Variants in LRRC4C observed in about 807,000 individuals in gnomAD.
LRRC4C encodes leucine rich repeat containing 4C, also known as leucine-rich repeat-containing protein 4C.
Under a neutral mutation model 33.6 loss-of-function variants are expected in LRRC4C, and 5 were observed. The ratio of observed to expected loss-of-function variants is 0.15; its 90% CI spans 0.08 to 0.31. The LOEUF (loss-of-function observed/expected upper bound fraction) is 0.31. Among genes scored for constraint, LRRC4C ranks in the 10% least tolerant of loss-of-function variants. LRRC4C has a pLI of 1.00. For synonymous variants in LRRC4C, 329 were observed against 302.0 expected (o/e 1.09, Z -0.93); for missense variants, 560 against 796.7 (o/e 0.70, Z 3.58).
At chr11:40,854,731 T>A (rs1229260309) in intron 2 of LRRC4C, among the ~76,000 whole-genome samples, 2 of 150,928 alleles carry the variant, frequency 1.3e-5, no homozygotes, top group Non-Finnish European at 3.0e-5. Context: ...ATATATATAT[T>A]TTATGTACAT....
intron 3 of LRRC4C, among the ~76,000 whole-genome samples, chr11:40,640,848 CTA>C (rs1391267183): frequency 6.6e-6 from 1 of 151,788 alleles, no homozygotes; most frequent in African/African-American, 2.4e-5. Context: ...AAACCCCTCT[CTA>C]CTAAAAATAC....
intron 2 of LRRC4C, among the ~76,000 whole-genome samples, chr11:40,818,680 T>G (rs1012516175): frequency 6.6e-6 from 1 of 152,182 alleles, no homozygotes; most frequent in East Asian, 1.9e-4. Context: ...AAACATATTA[T>G]TTTATATCGA....
intron 1 of LRRC4C, among the ~76,000 whole-genome samples, chr11:40,972,552 T>A (rs1293489661): frequency 1.3e-5 from 2 of 152,054 alleles, no homozygotes; most frequent in Non-Finnish European, 2.9e-5. Context: ...GACAGGGTAG[T>A]TTATAAAGGA....
chr11:40,544,506 A>G (rs538203497), intron 3 of LRRC4C, among the ~76,000 whole-genome samples: 2 of 152,234 alleles, frequency 1.3e-5, no homozygotes, highest in South Asian at 4.1e-4. Context: ...GTAGCCCCTT[A>G]CATATATGTA....
intron 1 of LRRC4C, among the ~76,000 whole-genome samples, chr11:41,144,008 A>G (rs576959837): frequency 6.6e-6 from 1 of 152,312 alleles, no homozygotes; most frequent in African/African-American, 2.4e-5. Flanking sequence ...GAAAACTAAG[A>G]AGATGCCACG....
At chr11:40,792,424 G>T (rs905036794) in intron 2 of LRRC4C, among the ~76,000 whole-genome samples, 1 of 151,956 alleles carries the variant, frequency 6.6e-6, no homozygotes, top group African/African-American at 2.4e-5. Flanking sequence ...GGAAATGTAA[G>T]AATATTTTAT....
intron 3 of LRRC4C, among the ~76,000 whole-genome samples, chr11:40,377,756 C>T (rs1948716388): frequency 6.6e-6 from 1 of 151,894 alleles, no homozygotes; most frequent in Non-Finnish European, 1.5e-5. Context: ...AACAAAAGAA[C>T]AACAAATTGT....
At chr11:40,801,084 TC>T (rs149605002) in intron 2 of LRRC4C, among the ~76,000 whole-genome samples, 4,371 of 152,294 alleles carry the variant, frequency 0.029, 202 homozygotes, top group African/African-American at 0.099. Flanking sequence ...TTGACTAAGT[TC>T]TTCCTGATTT....
At chr11:40,317,455 AT>A (rs1223158073) in intron 4 of LRRC4C, among the ~76,000 whole-genome samples, 1 of 152,102 alleles carries the variant, frequency 6.6e-6, no homozygotes, top group East Asian at 1.9e-4. Context: ...CTAGCTTGAA[AT>A]TCTAGAGCTG....
chr11:40,448,346 G>C (rs2165245), intron 3 of LRRC4C, among the ~76,000 whole-genome samples: 65,790 of 151,798 alleles, frequency 0.43, 14,628 homozygotes, highest in East Asian at 0.55. Context: ...TGGTTTGCTG[G>C]ACCTATCAAC....
intron 1 of LRRC4C, among the ~76,000 whole-genome samples, chr11:41,096,678 T>A (rs1940829073): frequency 6.6e-6 from 1 of 152,124 alleles, no homozygotes; most frequent in South Asian, 2.1e-4. Context: ...GGAGGAAGTG[T>A]CCTGTTTGCT....
At chr11:41,405,265 C>G (rs1954186626) in intron 1 of LRRC4C, among the ~76,000 whole-genome samples, 1 of 152,102 alleles carries the variant, frequency 6.6e-6, no homozygotes, top group African/African-American at 2.4e-5. Flanking sequence ...ACATTTCATA[C>G]ACATGGTATA....
At chr11:40,163,158 A>T (rs1859302011) in intron 5 of LRRC4C, among the ~76,000 whole-genome samples, 1 of 152,230 alleles carries the variant, frequency 6.6e-6, no homozygotes, top group Non-Finnish European at 1.5e-5. Flanking sequence ...CAGAAAGCAC[A>T]GTGCATCCTA....
At chr11:40,378,700 T>G (rs1948750284) in intron 3 of LRRC4C, among the ~76,000 whole-genome samples, 1 of 152,112 alleles carries the variant, frequency 6.6e-6, no homozygotes, top group African/African-American at 2.4e-5. Flanking sequence ...AGCTAAAACG[T>G]CCCTTCCAAG....
At chr11:41,231,511 C>G (rs935513530) in intron 1 of LRRC4C, among the ~76,000 whole-genome samples, 3 of 149,214 alleles carry the variant, frequency 2.0e-5, no homozygotes, top group Admixed American at 1.4e-4. Context: ...CAAACTATCG[C>G]AAGGACAAAA....
intron 1 of LRRC4C, among the ~76,000 whole-genome samples, chr11:41,215,759 C>T (rs551639223): frequency 7.9e-5 from 12 of 152,164 alleles, no homozygotes; most frequent in African/African-American, 1.7e-4. Flanking sequence ...ATTCATCTCT[C>T]GATAGAAATT....
At chr11:40,212,654 C>T (rs1863688336) in intron 5 of LRRC4C, among the ~76,000 whole-genome samples, 1 of 152,080 alleles carries the variant, frequency 6.6e-6, no homozygotes, top group Admixed American at 6.6e-5. Flanking sequence ...CTAATAAGCT[C>T]TTTACCTATA....
rs138780758 is a variant in LRRC4C at position 40,681,222 on chromosome 11, A to G, written c.-406-32944T>C. On this transcript the variant is annotated intron_variant, in intron 2 of 6. Transcript: ENST00000528697. ...AACCAAAATAGACACTGGTCTCATC[A>G]GAACAGGCATTATTCAAAACAACCA... 4.5e-3 allele frequency among the ~76,000 whole-genome samples: 687 copies of G among 152,324 alleles called. 7 individuals carry two copies. Among genetic ancestry groups the G allele is most frequent in the African/African-American group, 0.016 (662 of 41,572 alleles).
intron 3 of LRRC4C, among the ~76,000 whole-genome samples, chr11:40,383,317 C>T (rs374168107): frequency 3.9e-4 from 59 of 152,226 alleles, no homozygotes; most frequent in African/African-American, 1.4e-3. Context: ...CTGCAATTAA[C>T]GTGGAAGTTC....
Sources: gnomAD v4.1 joint callset for allele counts (sites outside exome capture counted in the v4.1 genomes callset) on GRCh38, gnomAD v4.1.1 for gene constraint, MANE v1.5 for transcripts, NCBI Gene and HGNC (gene_info 2026-07-23, HGNC 2026-07-21) for gene names.